RALGAPB: variants seen among roughly 807,000 people sequenced by gnomAD.
RALGAPB encodes the protein ral GTPase-activating protein subunit beta.
A neutral mutation model predicts 161.1 loss-of-function variants in RALGAPB; 25 were observed. The ratio of observed to expected loss-of-function variants is 0.16; its 90% CI spans 0.11 to 0.22. The LOEUF (loss-of-function observed/expected upper bound fraction) is 0.22. Ranked by LOEUF, RALGAPB falls within the 10% of genes least tolerant of loss-of-function variation. The probability of loss-of-function intolerance (pLI) is 1.00; values close to 1 mark genes in which losing one functional copy is unlikely to be tolerated. For missense variants in RALGAPB, 1,391 were observed against 1,815.2 expected, an observed-to-expected ratio of 0.77 and a Z score of 4.25; for synonymous variants, 629 against 626.1, an observed-to-expected ratio of 1.00 and a Z score of -0.07.
In RALGAPB at chr20:38,554,181, A is replaced by G. The variant is rs560540208; in HGVS notation, c.3372+105A>G. On this transcript the variant is annotated intron_variant, in intron 22 of 29. Transcript: ENST00000262879. The stretch of plus-strand genomic sequence containing the variant: ...GATAGAAGCGAATTAAAAAAAAAAA[A>G]AACTGGTTAAAATTTTAGCCTGCAT... 62 of 1,070,908 alleles carry G rather than the reference A, an allele frequency of 5.8e-5. 2 individuals carry two copies. In the South Asian group the frequency reaches 8.9e-4, roughly 15 times the overall value. The allele number at this position is 1,070,908 out of a possible 1,614,324, so 66.3% of individuals were successfully genotyped here.
intron 18 of RALGAPB, among the ~76,000 whole-genome samples, chr20:38,544,145 G>A (rs1302656044): frequency 6.6e-6 from 1 of 152,034 alleles, no homozygotes; most frequent in African/African-American, 2.4e-5. Context: ...CCTCTAATTT[G>A]GAGATTTTCT....
chr20:38,498,763 A>G (rs2085499746), intron 4 of RALGAPB, among the ~76,000 whole-genome samples: 1 of 152,232 alleles, frequency 6.6e-6, no homozygotes, highest in East Asian at 1.9e-4. Context: ...TCCAGGGCTT[A>G]GAACAGGGGA....
chr20:38,551,308 T>C, intron 21 of RALGAPB, 85 bp downstream of exon 21: 1 of 1,444,666 alleles, frequency 6.9e-7, no homozygotes, highest in South Asian at 1.3e-5. Flanking sequence ...GCTTTTAGTG[T>C]TGTTGGAGAT....
At chr20:38,523,620 A>G (rs2086362715) in intron 10 of RALGAPB, among the ~76,000 whole-genome samples, 1 of 152,250 alleles carries the variant, frequency 6.6e-6, no homozygotes, top group South Asian at 2.1e-4. Context: ...AATAATCACT[A>G]GACATCCAGA....
chr20:38,488,570 T>G lies in RALGAPB; in HGVS notation c.138T>G (p.Gly46=). The G allele has an allele frequency of 4.3e-6, 7 of 1,614,174 alleles. No individual in the cohort carries two copies. Among genetic ancestry groups the G allele is most frequent in the Non-Finnish European group, 5.9e-6 (7 of 1,180,020 alleles). Residue 46 remains glycine (G), a synonymous_variant, in exon 2 of 30, where the codon GGT becomes GGG. Coordinates refer to ENST00000262879, the MANE Select transcript of RALGAPB (RefSeq NM_020336.4). ...AVVRPLGQVL[G]TPSVAGSENL... is the part of the protein sequence containing the mutation. Reference sequence around the variant, plus strand: ...TCCGTCCTCTTGGGCAGGTGTTAGGTACCCCTTCAGTGGCTGGTAGTGAGA... The same window carrying G: ...TCCGTCCTCTTGGGCAGGTGTTAGGGACCCCTTCAGTGGCTGGTAGTGAGA...
At chr20:38,525,013 C>T in intron 11 of RALGAPB, 68 bp downstream of exon 11, 1 of 1,442,032 alleles carries the variant, frequency 6.9e-7, no homozygotes, top group Non-Finnish European at 9.7e-7. Flanking sequence ...GCTTCCTCCC[C>T]AGTTTCCTAA....
At chr20:38,488,779 A>T (rs1421984605) in intron 2 of RALGAPB, among the ~76,000 whole-genome samples, 161 bp downstream of exon 2, 2 of 152,104 alleles carry the variant, frequency 1.3e-5, no homozygotes, top group Non-Finnish European at 2.9e-5. Flanking sequence ...ATGACTTCTC[A>T]ATTTTGATCT....
intron 13 of RALGAPB, among the ~76,000 whole-genome samples, chr20:38,529,442 G>T (rs533608038): frequency 1.3e-5 from 2 of 151,906 alleles, no homozygotes; most frequent in African/African-American, 4.8e-5. Flanking sequence ...GTTTGAACAC[G>T]GGAGGCGGAG....
chr20:38,481,079 T>G (rs1224823848), intron 1 of RALGAPB, among the ~76,000 whole-genome samples: 1 of 152,072 alleles, frequency 6.6e-6, no homozygotes, highest in Non-Finnish European at 1.5e-5. Flanking sequence ...CTCAATTTTC[T>G]TACCTCCATC....
chr20:38,531,035 A>G, intron 13 of RALGAPB, 132 bp from the exon 14 acceptor site: 1 of 735,562 alleles, frequency 1.4e-6, no homozygotes. Flanking sequence ...AGCCAACTAT[A>G]ATTTCATGGG....
intron 1 of RALGAPB, among the ~76,000 whole-genome samples, chr20:38,485,966 C>CTTTTTTTTTTTT (rs11481893): frequency 7.7e-4 from 70 of 90,640 alleles, no homozygotes; most frequent in Middle Eastern, 8.9e-3. Flanking sequence ...CTTTCTATAT[C>CTTTTTTTTTTTT]TTTTTTTTTT....
chr20:38,538,999 A>T (rs936295498), intron 16 of RALGAPB, among the ~76,000 whole-genome samples: 1 of 152,250 alleles, frequency 6.6e-6, no homozygotes, highest in Non-Finnish European at 1.5e-5. Context: ...AATGTCCATT[A>T]ATAAGTAACT....
At chr20:38,516,523 A>G in intron 7 of RALGAPB, 153 bp downstream of exon 7, 1 of 753,738 alleles carries the variant, frequency 1.3e-6, no homozygotes, top group Non-Finnish European at 2.0e-6. Flanking sequence ...CAACAAATAA[A>G]ATAGCCAGAG....
intron 18 of RALGAPB, among the ~76,000 whole-genome samples, chr20:38,543,022 T>C (rs1159315327): frequency 6.6e-6 from 1 of 152,162 alleles, no homozygotes; most frequent in Non-Finnish European, 1.5e-5. Flanking sequence ...TTTGAGTGCA[T>C]GGCTAGCAGT....
chr20:38,560,106 GT>G (rs372273702), intron 23 of RALGAPB, among the ~76,000 whole-genome samples: 11,033 of 147,058 alleles, frequency 0.075, 1,387 homozygotes, highest in African/African-American at 0.25. Flanking sequence ...TTATGAGAAA[GT>G]TTTTTTTTTT....
intron 1 of RALGAPB, 135 bp downstream of exon 1, chr20:38,473,204 A>G (rs1454170664): frequency 6.6e-6 from 2 of 301,282 alleles, no homozygotes; most frequent in Non-Finnish European, 1.2e-5. Flanking sequence ...TTGGAAGCTC[A>G]TCTGCAAATT....
intron 14 of RALGAPB, 91 bp from the exon 15 acceptor site, chr20:38,532,639 T>TG: frequency 6.7e-7 from 1 of 1,485,344 alleles, no homozygotes; most frequent in Non-Finnish European, 9.3e-7. Flanking sequence ...TGGCACATTC[T>TG]GCTTTATCAA....
intron 16 of RALGAPB, 46 bp from the exon 17 acceptor site, chr20:38,539,730 G>A: frequency 6.3e-7 from 1 of 1,583,988 alleles, no homozygotes; most frequent in Non-Finnish European, 8.6e-7. Context: ...AATTGGTACA[G>A]TAATTCCTGG....
intron 6 of RALGAPB, among the ~76,000 whole-genome samples, chr20:38,511,339 T>A (rs903777072): frequency 1.1e-4 from 17 of 151,782 alleles, no homozygotes; most frequent in African/African-American, 3.4e-4. Flanking sequence ...TTTTTTTAAT[T>A]TTTTTAGTAT....
Sources: gnomAD v4.1 joint callset for allele counts (sites outside exome capture counted in the v4.1 genomes callset) on GRCh38, gnomAD v4.1.1 for gene constraint, MANE v1.5 for transcripts, NCBI Gene and HGNC (gene_info 2026-07-23, HGNC 2026-07-21) for gene names.